GHR: variants seen among roughly 807,000 people sequenced by gnomAD.
GHR encodes growth hormone receptor.
GHR carries 35 observed loss-of-function variants against 67.1 expected under a neutral mutation model. That is an observed-to-expected ratio of 0.52 (90% CI 0.40 to 0.69). GHR has a LOEUF of 0.69. Among genes scored for constraint, GHR ranks in the 30% least tolerant of loss-of-function variants. The pLI is 0.00. For synonymous variants in GHR, 272 were observed against 269.1 expected (o/e 1.01, Z -0.10); for missense variants, 792 against 764.6 (o/e 1.04, Z -0.42).
chr5:42,530,879 T>C (rs568572958), intron 1 of GHR, among the ~76,000 whole-genome samples: 1 of 152,370 alleles, frequency 6.6e-6, no homozygotes, highest in South Asian at 2.1e-4. Flanking sequence ...GGGGTATCAC[T>C]GTATGACATG....
At chr5:42,556,018 T>A (rs1749288117) in intron 1 of GHR, among the ~76,000 whole-genome samples, 1 of 151,996 alleles carries the variant, frequency 6.6e-6, no homozygotes, top group African/African-American at 2.4e-5. Context: ...TGCTGACTCC[T>A]CCTCTAGTAA....
chr5:42,579,147 T>TAG (rs1561139017), intron 2 of GHR, among the ~76,000 whole-genome samples: 35 of 63,628 alleles, frequency 5.5e-4, no homozygotes, highest in African/African-American at 2.2e-3. Flanking sequence ...AGATGATAGA[T>TAG]AGATATAGAT....
rs1742786413 is a variant in GHR at position 42,424,974 on chromosome 5, A to G, written c.-12+1019A>G. Reference sequence around the variant, plus strand: ...GAGCCAGTAGGGTGTGCAGGGTGGAAGAGGCCACAGAGGTGCCGCCTGTCT... The same window carrying G: ...GAGCCAGTAGGGTGTGCAGGGTGGAGGAGGCCACAGAGGTGCCGCCTGTCT... On this transcript the variant is annotated intron_variant, in intron 1 of 9. Coordinates refer to ENST00000230882, the MANE Select transcript of GHR (RefSeq NM_000163.5). The surrounding 1 kb of genome is among the most constrained non-coding windows in gnomAD (Gnocchi z 4.1). The G allele has an allele frequency of 2.0e-6, 2 of 984,924 alleles. No individual in the cohort carries two copies. Among genetic ancestry groups the G allele is most frequent in the Non-Finnish European group, 2.4e-6 (2 of 829,448 alleles). 61.0% of individuals were successfully genotyped at this position (984,924 alleles called of 1,614,324 possible). A position where few individuals can be genotyped will look rare whatever the true frequency, so the allele number is the denominator to read the frequency against.
At chr5:42,685,550 A>G (rs1429577497) in intron 3 of GHR, among the ~76,000 whole-genome samples, 1 of 152,078 alleles carries the variant, frequency 6.6e-6, no homozygotes, top group Non-Finnish European at 1.5e-5. Context: ...ACTAATTTAC[A>G]CTCCCACCAA....
chr5:42,623,496 C>T (rs1218846133), intron 2 of GHR, among the ~76,000 whole-genome samples: 1 of 152,162 alleles, frequency 6.6e-6, no homozygotes, highest in Non-Finnish European at 1.5e-5. Flanking sequence ...CTTTACATGC[C>T]CAGGCTGTGT....
At chr5:42,670,880 A>AAATATATATAT (rs1554034852) in intron 3 of GHR, among the ~76,000 whole-genome samples, 1 of 118,212 alleles carries the variant, frequency 8.5e-6, no homozygotes, top group African/African-American at 3.3e-5. Flanking sequence ...AAAAAAAAAA[A>AAATATATATAT]ATATATATAT....
rs192687249 is a variant in GHR, at chr5:42,513,650, T to C, written c.-11-52214T>C. The stretch of plus-strand genomic sequence containing the variant: ...ATACAAAATTAGCCAGGCGTGGTGG[T>C]GCATGCCTGTAATCCCAGCTACTCG... On this transcript the variant is annotated intron_variant, in intron 1 of 9. Transcript: ENST00000230882. Among the ~76,000 whole-genome samples, 951 of 152,058 alleles carry C rather than the reference T, an allele frequency of 6.3e-3. 4 individuals carry two copies. The highest frequency in any genetic ancestry group is 0.011 in the Admixed American group (170 of 15,272).
intron 3 of GHR, among the ~76,000 whole-genome samples, chr5:42,682,993 T>C (rs937674125): frequency 3.3e-5 from 5 of 150,540 alleles, no homozygotes; most frequent in Non-Finnish European, 5.9e-5. Context: ...TCCTCAAAGG[T>C]TTTTTTTATT....
At chr5:42,433,996 T>G (rs935869991) in intron 1 of GHR, among the ~76,000 whole-genome samples, 7 of 152,270 alleles carry the variant, frequency 4.6e-5, no homozygotes, top group South Asian at 2.1e-4. Flanking sequence ...TGGATAGTGG[T>G]GGCTGCTGTG....
intron 3 of GHR, among the ~76,000 whole-genome samples, chr5:42,657,063 T>C (rs1192004691): frequency 6.6e-6 from 1 of 152,136 alleles, no homozygotes; most frequent in Non-Finnish European, 1.5e-5. Context: ...TCAACCTTCG[T>C]TCATTTTCTA....
intron 6 of GHR, among the ~76,000 whole-genome samples, chr5:42,705,430 G>T (rs1427760040): frequency 6.6e-6 from 1 of 151,964 alleles, no homozygotes; most frequent in African/African-American, 2.4e-5. Flanking sequence ...TAGGTTCAGA[G>T]ATACATGTGC....
At chr5:42,549,760 T>G in intron 1 of GHR, 3 of 619,116 alleles carry the variant, frequency 4.8e-6, no homozygotes, top group Non-Finnish European at 6.1e-6. Flanking sequence ...TACTGGGGGG[T>G]TTGAAACAGA....
intron 1 of GHR, among the ~76,000 whole-genome samples, chr5:42,559,828 G>T (rs114757226): frequency 3.9e-5 from 6 of 152,106 alleles, no homozygotes; most frequent in Non-Finnish European, 8.8e-5. Flanking sequence ...ACCATAAAAA[G>T]TTGGTAACAA....
chr5:42,638,182 G>GC (rs113510668), intron 3 of GHR, among the ~76,000 whole-genome samples: 7,031 of 151,776 alleles, frequency 0.046, 510 homozygotes, highest in African/African-American at 0.16. Flanking sequence ...CTCGTGATCT[G>GC]CCCCCCTCAG....
chr5:42,664,781 A>G (rs1755864147), intron 3 of GHR, among the ~76,000 whole-genome samples: 1 of 152,322 alleles, frequency 6.6e-6, no homozygotes, highest in South Asian at 2.1e-4. Context: ...GCACAGCAAA[A>G]GAAACTACCA....
chr5:42,575,081 G>C (rs955586720), intron 2 of GHR, among the ~76,000 whole-genome samples: 1 of 152,104 alleles, frequency 6.6e-6, no homozygotes, highest in Non-Finnish European at 1.5e-5. Context: ...ACTTCCTTGG[G>C]GGCAGCAGTT....
At chr5:42,711,184 GC>G (rs759176451) in intron 6 of GHR, 22 bp from the exon 7 acceptor site, 1 of 1,595,544 alleles carries the variant, frequency 6.3e-7, no homozygotes, top group East Asian at 2.2e-5. Flanking sequence ...TGGCCAATAT[GC>G]GTTTATATTT....
Position 42,552,261 on chromosome 5 carries a change from G to A in GHR, c.-11-13603G>A, listed in dbSNP as rs1749073978. Among the ~76,000 whole-genome samples the A allele has an allele frequency of 2.0e-5, 3 of 152,204 alleles. 1 individual carries two copies. In the South Asian group the frequency reaches 6.2e-4, roughly 31 times the overall value. On this transcript the variant is annotated intron_variant, in intron 1 of 9. Coordinates refer to ENST00000230882, the MANE Select transcript of GHR (RefSeq NM_000163.5). ...TCTGAGCCAAGATTTGCAAGGACAT[G>A]TTACAAAGATAGACTGGCCTTCCTG...
intron 1 of GHR, chr5:42,465,833 G>T: frequency 1.3e-6 from 1 of 766,974 alleles, no homozygotes; most frequent in Non-Finnish European, 2.4e-6. Flanking sequence ...ACCTTGAATA[G>T]GTCGGTCAAT....
Sources: allele counts gnomAD v4.1 joint callset (sites outside exome capture counted in the v4.1 genomes callset), GRCh38; gene constraint gnomAD v4.1.1; non-coding constraint Gnocchi (gnomAD v3.1); transcripts MANE v1.5; gene names NCBI Gene and HGNC (gene_info 2026-07-23, HGNC 2026-07-21).